The following PLCB4 variants were observed in gnomAD, a reference collection of about 807,000 sequenced individuals.
PLCB4 encodes 1-phosphatidylinositol 4,5-bisphosphate phosphodiesterase beta-4.
In PLCB4, 77 loss-of-function variants were observed where a neutral mutation model predicts 178.8. The ratio of observed to expected loss-of-function variants is 0.43; its 90% confidence interval spans 0.36 to 0.52. The LOEUF is 0.52. PLCB4 is among the 20% of genes least tolerant of loss of function. The pLI, the probability that PLCB4 is intolerant of heterozygous loss-of-function variation, is 0.00. For missense variants in PLCB4, 1,024 were observed against 1,453.4 expected (o/e 0.70, Z 4.80); for synonymous variants, 496 against 490.8 (o/e 1.01, Z -0.14).
intron 38 of PLCB4, among the ~76,000 whole-genome samples, chr20:9,475,373 C>T (rs1436250770): frequency 6.6e-6 from 1 of 152,146 alleles, no homozygotes; most frequent in Non-Finnish European, 1.5e-5. Context: ...ATGGCTAATT[C>T]AAGCCACACC....
chr20:9,256,385 C>T (rs373449291), intron 3 of PLCB4, among the ~76,000 whole-genome samples: 6 of 152,230 alleles, frequency 3.9e-5, no homozygotes, highest in African/African-American at 1.2e-4. Context: ...TGCACACTCC[C>T]AGCAAGGAGA....
At chr20:9,266,588 C>A (rs961619231) in intron 3 of PLCB4, among the ~76,000 whole-genome samples, 2 of 152,124 alleles carry the variant, frequency 1.3e-5, no homozygotes, top group South Asian at 4.1e-4. Flanking sequence ...AAAAAACATT[C>A]CTTATGGAAA....
At chr20:9,130,306 G>T (rs1389062686) in intron 2 of PLCB4, among the ~76,000 whole-genome samples, 2 of 152,124 alleles carry the variant, frequency 1.3e-5, no homozygotes, top group East Asian at 3.9e-4. Flanking sequence ...GAAAATGTGT[G>T]CCTTTCTAAA....
intron 28 of PLCB4, among the ~76,000 whole-genome samples, chr20:9,429,914 A>G (rs1008906490): frequency 6.6e-6 from 1 of 152,204 alleles, no homozygotes; most frequent in Non-Finnish European, 1.5e-5. Context: ...CAGCTACAGA[A>G]TGAACACCTG....
chr20:9,405,494 A>G, intron 21 of PLCB4, 146 bp downstream of exon 21: 1 of 559,450 alleles, frequency 1.8e-6, no homozygotes. Context: ...TGATTTTCTA[A>G]AAGTAGGTAT....
chr20:9,360,475 CTT>C (rs71184143), intron 7 of PLCB4, among the ~76,000 whole-genome samples: 4 of 144,470 alleles, frequency 2.8e-5, no homozygotes, highest in Admixed American at 1.4e-4. Context: ...AAATTGTCCA[CTT>C]TTTTTTTTTT....
chr20:9,166,020 T>C (rs1369969618), intron 2 of PLCB4, among the ~76,000 whole-genome samples: 2 of 152,302 alleles, frequency 1.3e-5, no homozygotes, highest in East Asian at 3.9e-4. Context: ...TTTATTTCCT[T>C]TCTTGAACTC....
chr20:9,436,890 A>G, intron 29 of PLCB4, 112 bp from the exon 30 acceptor site: 1 of 954,246 alleles, frequency 1.0e-6, no homozygotes, highest in African/African-American at 1.6e-5. Flanking sequence ...AGAGAGTAGA[A>G]GTCTAGGAAG....
chr20:9,177,967 G>A (rs934529458), intron 2 of PLCB4, among the ~76,000 whole-genome samples: 13 of 152,114 alleles, frequency 8.5e-5, no homozygotes, highest in African/African-American at 1.7e-4. Context: ...GAAAAACACC[G>A]TGTTCTGCAA....
intron 14 of PLCB4, among the ~76,000 whole-genome samples, chr20:9,386,234 C>T (rs145601836): frequency 1.1e-3 from 152 of 135,842 alleles, no homozygotes; most frequent in Admixed American, 1.5e-3. Flanking sequence ...GCCTCGGCAA[C>T]GGAGGGAGAC....
At chr20:9,069,772 A>C (rs992282097) in intron 1 of PLCB4, among the ~76,000 whole-genome samples, 6 of 152,318 alleles carry the variant, frequency 3.9e-5, no homozygotes, top group African/African-American at 1.4e-4. Context: ...CGTATATGGT[A>C]CTGAATCGAA....
chr20:9,349,149 G>A (rs1001916191), intron 7 of PLCB4, among the ~76,000 whole-genome samples: 1 of 151,862 alleles, frequency 6.6e-6, no homozygotes, highest in Non-Finnish European at 1.5e-5. Flanking sequence ...TGAAATTTAT[G>A]TAACATAAAA....
intron 2 of PLCB4, among the ~76,000 whole-genome samples, chr20:9,106,171 G>A (rs188641448): frequency 5.3e-5 from 8 of 151,898 alleles, no homozygotes; most frequent in Non-Finnish European, 4.4e-5. Flanking sequence ...ATATGGGGCC[G>A]TCAAACATAT....
chr20:9,372,817 T>A (rs1345540500), intron 11 of PLCB4, among the ~76,000 whole-genome samples: 1 of 151,630 alleles, frequency 6.6e-6, no homozygotes, highest in Admixed American at 6.6e-5. Context: ...AAAAAAAAAA[T>A]TGCAGACTTT....
At chr20:9,467,447 A>T (rs1000675612) in intron 35 of PLCB4, among the ~76,000 whole-genome samples, 3 of 151,528 alleles carry the variant, frequency 2.0e-5, no homozygotes, top group African/African-American at 7.3e-5. Context: ...ATAAATAAAT[A>T]AAATAAATCC....
chr20:9,246,034 C>T (rs1296917251), intron 3 of PLCB4, among the ~76,000 whole-genome samples: 2 of 152,102 alleles, frequency 1.3e-5, no homozygotes, highest in African/African-American at 4.8e-5. Flanking sequence ...GAATTGAAGA[C>T]ATTTTTGCAA....
chr20:9,280,650 A>G (rs1404317420), intron 3 of PLCB4, among the ~76,000 whole-genome samples: 2 of 151,792 alleles, frequency 1.3e-5, no homozygotes, highest in Non-Finnish European at 2.9e-5. Flanking sequence ...TGTACTATGA[A>G]CCTAGCCTGC....
chr20:9,465,786 G>C (rs1204680463), intron 35 of PLCB4, among the ~76,000 whole-genome samples: 1 of 152,142 alleles, frequency 6.6e-6, no homozygotes, highest in Non-Finnish European at 1.5e-5. Flanking sequence ...AATAAAAGAG[G>C]ACAGAAATGA....
At chr20:9,316,909 C>A (rs973073363) in intron 4 of PLCB4, among the ~76,000 whole-genome samples, 2 of 152,156 alleles carry the variant, frequency 1.3e-5, no homozygotes, top group African/African-American at 4.8e-5. Context: ...GCTCAGAGCT[C>A]ATTGTCATCC....
Sources: gnomAD v4.1 joint callset for allele counts (sites outside exome capture counted in the v4.1 genomes callset) on GRCh38, gnomAD v4.1.1 for gene constraint, MANE v1.5 for transcripts, NCBI Gene and HGNC (gene_info 2026-07-23, HGNC 2026-07-21) for gene names.